SLC24A3: variants seen among roughly 807,000 people sequenced by gnomAD.
The protein encoded by SLC24A3 is solute carrier family 24 member 3, also known as sodium/potassium/calcium exchanger 3.
Under a neutral mutation model 75.8 loss-of-function variants are expected in SLC24A3, and 28 were observed. The observed-to-expected ratio is 0.37, with a 90% CI of 0.27 to 0.51. The LOEUF is 0.51. Among genes scored for constraint, SLC24A3 ranks in the 20% least tolerant of loss-of-function variants. The probability of loss-of-function intolerance (pLI) is 0.94; values close to 1 mark genes in which losing one functional copy is unlikely to be tolerated. For missense variants in SLC24A3, 663 were observed against 847.8 expected (o/e 0.78, Z 2.71); for synonymous variants, 372 against 334.1 (o/e 1.11, Z -1.24).
intron 2 of SLC24A3, among the ~76,000 whole-genome samples, chr20:19,405,291 C>G (rs1476798924): frequency 6.6e-6 from 1 of 152,160 alleles, no homozygotes; most frequent in Non-Finnish European, 1.5e-5. Context: ...TTGGGATTCT[C>G]ATGTTGGTGC....
At chr20:19,472,952 G>T (rs1160512739) in intron 2 of SLC24A3, among the ~76,000 whole-genome samples, 3 of 152,222 alleles carry the variant, frequency 2.0e-5, no homozygotes, top group South Asian at 2.1e-4. Flanking sequence ...GGAACAAGGG[G>T]TGTTTAGCCC....
intron 2 of SLC24A3, among the ~76,000 whole-genome samples, chr20:19,333,537 G>A (rs1231825904): frequency 3.9e-5 from 6 of 152,080 alleles, no homozygotes; most frequent in Admixed American, 2.6e-4. Context: ...AGGGAGAAAC[G>A]AAATTTTTTA....
chr20:19,468,018 G>C (rs879662496), intron 2 of SLC24A3, among the ~76,000 whole-genome samples: 45 of 152,170 alleles, frequency 3.0e-4, no homozygotes, highest in South Asian at 1.5e-3. Context: ...TGGTCACCAG[G>C]GAACATGAGG....
intron 1 of SLC24A3, among the ~76,000 whole-genome samples, chr20:19,275,771 G>C (rs954670320): frequency 6.6e-6 from 1 of 152,124 alleles, no homozygotes; most frequent in Non-Finnish European, 1.5e-5. Context: ...CGAGTTGAGA[G>C]CTTGGTTTCC....
At chr20:19,333,919 G>T (rs935583077) in intron 2 of SLC24A3, among the ~76,000 whole-genome samples, 19 of 152,016 alleles carry the variant, frequency 1.2e-4, no homozygotes, top group African/African-American at 4.6e-4. Flanking sequence ...TCCATTTATG[G>T]TGAAAGAAGA....
chr20:19,453,742 C>T (rs1465927864), intron 2 of SLC24A3, among the ~76,000 whole-genome samples: 1 of 152,200 alleles, frequency 6.6e-6, no homozygotes, highest in Non-Finnish European at 1.5e-5. Context: ...TTCCTTTCTG[C>T]AGCACTCTAG....
intron 6 of SLC24A3, among the ~76,000 whole-genome samples, chr20:19,591,605 T>TC (rs1018114801): frequency 2.6e-5 from 4 of 151,990 alleles, no homozygotes; most frequent in Non-Finnish European, 4.4e-5. Flanking sequence ...CACATCTCAT[T>TC]CCCCATCCCC....
chr20:19,244,628 A>G (rs1309152931), intron 1 of SLC24A3, among the ~76,000 whole-genome samples: 1 of 152,144 alleles, frequency 6.6e-6, no homozygotes, highest in African/African-American at 2.4e-5. Flanking sequence ...TGAAATAGGA[A>G]TTCAGGTGTC....
intron 1 of SLC24A3, among the ~76,000 whole-genome samples, chr20:19,217,446 C>T (rs1216051477): frequency 2.0e-5 from 3 of 152,222 alleles, no homozygotes; most frequent in Non-Finnish European, 4.4e-5. Flanking sequence ...CAAACATACA[C>T]ACAGACGTAT....
intron 6 of SLC24A3, among the ~76,000 whole-genome samples, chr20:19,622,768 A>G (rs2031820337): frequency 6.6e-6 from 1 of 152,212 alleles, no homozygotes; most frequent in Non-Finnish European, 1.5e-5. Context: ...AAAGAAAGTA[A>G]GTTTATTTGG....
intron 3 of SLC24A3, among the ~76,000 whole-genome samples, chr20:19,562,580 C>T (rs551602533): frequency 1.3e-5 from 2 of 152,288 alleles, no homozygotes; most frequent in East Asian, 3.9e-4. Context: ...AATGGGTTGT[C>T]ATTGAAGCGT....
intron 6 of SLC24A3, among the ~76,000 whole-genome samples, chr20:19,629,573 A>G (rs979096303): frequency 7.2e-5 from 11 of 152,210 alleles, no homozygotes; most frequent in African/African-American, 2.4e-4. Flanking sequence ...TCCAAATACA[A>G]TTAATCCAAA....
intron 3 of SLC24A3, among the ~76,000 whole-genome samples, chr20:19,577,476 A>G (rs955085223): frequency 6.6e-6 from 1 of 152,242 alleles, no homozygotes; most frequent in Non-Finnish European, 1.5e-5. Context: ...CTCAGAAATT[A>G]GTGAAGTATA....
chr20:19,569,592 C>G (rs981783157), intron 3 of SLC24A3, among the ~76,000 whole-genome samples: 1 of 152,192 alleles, frequency 6.6e-6, no homozygotes, highest in African/African-American at 2.4e-5. Context: ...GCTCCCACAC[C>G]TCTAGCTTTC....
intron 6 of SLC24A3, among the ~76,000 whole-genome samples, chr20:19,595,404 A>G (rs1460132796): frequency 6.6e-6 from 1 of 152,154 alleles, no homozygotes; most frequent in African/African-American, 2.4e-5. Context: ...GAGGATGAGT[A>G]TATGATCAGA....
intron 1 of SLC24A3, among the ~76,000 whole-genome samples, chr20:19,250,432 G>T (rs1982617659): frequency 6.6e-6 from 1 of 152,142 alleles, no homozygotes; most frequent in Non-Finnish European, 1.5e-5. Flanking sequence ...TTGCATAGTT[G>T]CTGGTTAATT....
At chr20:19,549,800 A>T (rs185332268) in intron 3 of SLC24A3, among the ~76,000 whole-genome samples, 3 of 152,296 alleles carry the variant, frequency 2.0e-5, no homozygotes, top group African/African-American at 7.2e-5. Context: ...AAAACAAAAC[A>T]ATACAAACAA....
intron 2 of SLC24A3, among the ~76,000 whole-genome samples, chr20:19,462,683 G>A (rs544908142): frequency 2.6e-5 from 4 of 152,296 alleles, no homozygotes; most frequent in Admixed American, 2.0e-4. Context: ...TTGGGCTTCT[G>A]TCCAGCCAGA....
chr20:19,467,296 C>A (rs998334878), intron 2 of SLC24A3, among the ~76,000 whole-genome samples: 4 of 152,060 alleles, frequency 2.6e-5, no homozygotes, highest in African/African-American at 9.7e-5. Flanking sequence ...GGGACAGAAT[C>A]GCAGAAAGAA....
Sources: gnomAD v4.1 joint callset for allele counts (sites outside exome capture counted in the v4.1 genomes callset) on GRCh38, gnomAD v4.1.1 for gene constraint, MANE v1.5 for transcripts, NCBI Gene and HGNC (gene_info 2026-07-23, HGNC 2026-07-21) for gene names.